The following TACC2 variants were observed in gnomAD, a reference collection of about 807,000 sequenced individuals.
TACC2 encodes transforming acidic coiled-coil containing protein 2, also known as transforming acidic coiled-coil-containing protein 2.
Under a neutral mutation model 227.3 loss-of-function variants are expected in TACC2, and 137 were observed. The ratio of observed to expected loss-of-function variants is 0.60; its 90% CI spans 0.52 to 0.69. The LOEUF (loss-of-function observed/expected upper bound fraction) is 0.69, where lower values mean the gene tolerates loss of function less well. TACC2 is among the 30% of genes least tolerant of loss of function. The pLI is 0.00. For missense variants in TACC2, 3,470 were observed against 3,694.4 expected (o/e 0.94, Z 1.57); for synonymous variants, 1,523 against 1,487.5 (o/e 1.02, Z -0.55).
chr10:122,006,189 C>T (rs144206503), intron 1 of TACC2, among the ~76,000 whole-genome samples: 1,734 of 152,118 alleles, frequency 0.011, 37 homozygotes, highest in African/African-American at 0.038. Flanking sequence ...TGGCTCAAGC[C>T]TATAATCCCA....
chr10:122,029,085 A>T (rs1161902729), intron 2 of TACC2, among the ~76,000 whole-genome samples: 2 of 142,326 alleles, frequency 1.4e-5, no homozygotes, highest in Non-Finnish European at 3.0e-5. Flanking sequence ...GAGCGGTGAG[A>T]GGGGACATTT....
At chr10:122,116,114 A>C (rs1248127583) in intron 5 of TACC2, among the ~76,000 whole-genome samples, 1 of 152,198 alleles carries the variant, frequency 6.6e-6, no homozygotes, top group African/African-American at 2.4e-5. Context: ...GAGGATTATG[A>C]AATCATTCAG....
intron 5 of TACC2, among the ~76,000 whole-genome samples, chr10:122,099,475 CCTT>C (rs1195405053): frequency 6.6e-6 from 1 of 152,202 alleles, no homozygotes; most frequent in Non-Finnish European, 1.5e-5. Flanking sequence ...TTCATAGTCT[CCTT>C]CTGACACACT....
intron 5 of TACC2, among the ~76,000 whole-genome samples, chr10:122,107,328 C>T (rs76199840): frequency 0.033 from 5,071 of 152,012 alleles, 122 homozygotes; most frequent in Non-Finnish European, 0.048. Context: ...TGAGGTCACA[C>T]GTCTAATCCC....
chr10:122,211,722 T>C lies in TACC2; in HGVS notation c.7283+14T>C, dbSNP rs1489654845. The C allele has an allele frequency of 6.5e-7, 1 of 1,530,416 alleles. No individual in the cohort carries two copies. Among genetic ancestry groups the C allele is most frequent in the Non-Finnish European group, 8.7e-7 (1 of 1,144,424 alleles). The allele number at this position is 1,530,416 out of a possible 1,614,324, so 94.8% of individuals were successfully genotyped here. A position where few individuals can be genotyped will look rare whatever the true frequency, so the allele number is the denominator to read the frequency against. The stretch of plus-strand genomic sequence containing the variant: ...GCCCCTAAAGACGTAAGTTCAGGGG[T>C]GGAGGTGGTAAGGATCAGAGGCGGG... On this transcript the variant is annotated intron_variant, in intron 9 of 22. Coordinates refer to ENST00000369005, the MANE Select transcript of TACC2 (RefSeq NM_206862.4).
intron 5 of TACC2, among the ~76,000 whole-genome samples, chr10:122,124,262 A>G (rs1160674205): frequency 1.3e-5 from 2 of 152,068 alleles, no homozygotes; most frequent in Non-Finnish European, 2.9e-5. Flanking sequence ...CTCTGCACCT[A>G]GTGTCAGGTA....
intron 2 of TACC2, among the ~76,000 whole-genome samples, chr10:122,024,943 C>A (rs1957798638): frequency 6.6e-6 from 1 of 152,138 alleles, no homozygotes; most frequent in Non-Finnish European, 1.5e-5. Flanking sequence ...TGTGCAGTTG[C>A]TGGGTTGTAT....
At chr10:122,204,003 C>T (rs1287801754) in intron 8 of TACC2, among the ~76,000 whole-genome samples, 1 of 151,220 alleles carries the variant, frequency 6.6e-6, no homozygotes, top group African/African-American at 2.4e-5. Context: ...CAAAAAAATA[C>T]GAAAACCAGT....
chr10:122,058,022 CACA>C (rs1247322404), intron 3 of TACC2, among the ~76,000 whole-genome samples: 2 of 152,198 alleles, frequency 1.3e-5, no homozygotes, highest in Non-Finnish European at 2.9e-5. Flanking sequence ...GTGGTTTCCA[CACA>C]ACAACTGACC....
intron 7 of TACC2, among the ~76,000 whole-genome samples, chr10:122,168,615 A>G (rs1024060708): frequency 2.0e-5 from 3 of 152,160 alleles, no homozygotes; most frequent in Admixed American, 2.0e-4. Context: ...CCAAGGGGCC[A>G]TGCCATGCTA....
chr10:122,105,873 G>A (rs552786350), intron 5 of TACC2, among the ~76,000 whole-genome samples: 3 of 149,130 alleles, frequency 2.0e-5, no homozygotes, highest in South Asian at 4.3e-4. Context: ...TCTGCCCGCC[G>A]CAGCCTCCCA....
At chr10:122,029,436 G>A (rs1213005461) in intron 2 of TACC2, among the ~76,000 whole-genome samples, 8 of 152,028 alleles carry the variant, frequency 5.3e-5, no homozygotes, top group South Asian at 2.1e-4. Flanking sequence ...ATCTAAATTC[G>A]TAAGAAATAT....
chr10:122,050,293 C>T lies in TACC2; in HGVS notation c.34-145C>T. 1.5e-6 allele frequency: 1 copy of T among 659,584 alleles called. No individual in the cohort carries two copies. The highest frequency in any genetic ancestry group is 2.7e-6 in the Non-Finnish European group (1 of 368,794). 40.9% of individuals were successfully genotyped at this position (659,584 alleles called of 1,614,324 possible). On this transcript the variant is annotated intron_variant, in intron 2 of 22. Transcript: ENST00000369005. This position sits in a 1 kb window ranked among gnomAD's most constrained non-coding sequence, Gnocchi z 4.6. ...ATCCTCAAGGCCTAGCTCAGTGCCG[C>T]ACATAGTAGGTGTTTCGTTGGACGG... is the stretch of plus-strand genomic sequence containing the variant.
intron 11 of TACC2, among the ~76,000 whole-genome samples, chr10:122,220,278 A>G (rs941976574): frequency 2.6e-5 from 4 of 152,198 alleles, no homozygotes; most frequent in African/African-American, 9.7e-5. Context: ...GACATATTTG[A>G]CAGTTGTTTT....
chr10:122,062,255 A>G (rs1591587081), intron 3 of TACC2, among the ~76,000 whole-genome samples: 1 of 151,202 alleles, frequency 6.6e-6, no homozygotes, highest in Non-Finnish European at 1.5e-5. Flanking sequence ...GGATGGTCTC[A>G]ATCTCCTGAC....
chr10:122,098,731 A>G (rs1353482691), intron 5 of TACC2, among the ~76,000 whole-genome samples: 1 of 152,144 alleles, frequency 6.6e-6, no homozygotes, highest in Non-Finnish European at 1.5e-5. Context: ...TGATAAGACT[A>G]TTCTTAAGGT....
At chr10:122,133,005 CTT>C (rs755080612) in intron 6 of TACC2, among the ~76,000 whole-genome samples, 45 of 152,128 alleles carry the variant, frequency 3.0e-4, no homozygotes, top group Non-Finnish European at 1.6e-4. Context: ...ATTTTACAGA[CTT>C]TTTTCCTATG....
At chr10:122,137,468 C>A (rs942716839) in intron 6 of TACC2, among the ~76,000 whole-genome samples, 7 of 151,706 alleles carry the variant, frequency 4.6e-5, no homozygotes, top group Non-Finnish European at 1.0e-4. Flanking sequence ...ACACTGAGGC[C>A]CATCTAAAAA....
intron 7 of TACC2, among the ~76,000 whole-genome samples, chr10:122,173,799 A>G (rs902351291): frequency 5.9e-5 from 9 of 152,200 alleles, no homozygotes; most frequent in Non-Finnish European, 1.3e-4. Context: ...CTGGTAACAG[A>G]TAAGGGAAGA....
Sources: gnomAD v4.1 joint callset for allele counts (sites outside exome capture counted in the v4.1 genomes callset) on GRCh38, gnomAD v4.1.1 for gene constraint, Gnocchi (gnomAD v3.1) non-coding constraint, MANE v1.5 for transcripts, NCBI Gene and HGNC (gene_info 2026-07-23, HGNC 2026-07-21) for gene names.